ADGRG5: variants seen among roughly 807,000 people sequenced by gnomAD.
ADGRG5 encodes the protein G protein-coupled receptor 114.
Under a neutral mutation model 53.2 loss-of-function variants are expected in ADGRG5, and 37 were observed. That is an observed-to-expected ratio of 0.70 (90% CI 0.53 to 0.91). The LOEUF (loss-of-function observed/expected upper bound fraction) is 0.91, where lower values mean the gene tolerates loss of function less well. Among genes scored for constraint, ADGRG5 ranks in the 40% least tolerant of loss-of-function variants. The pLI, the probability that ADGRG5 is intolerant of heterozygous loss-of-function variation, is 0.00. For synonymous variants in ADGRG5, 277 were observed against 290.4 expected (o/e 0.95, Z 0.47); for missense variants, 614 against 675.8 (o/e 0.91, Z 1.01).
chr16:57,534,453 C>G, the ADGRG5 span, among the ~76,000 whole-genome samples: 1 of 152,196 alleles, frequency 6.6e-6, no homozygotes, highest in Non-Finnish European at 1.5e-5. Flanking sequence ...TCTGGAATAT[C>G]TCTCCTTCCT....
the ADGRG5 span, among the ~76,000 whole-genome samples, chr16:57,532,186 A>G: frequency 6.6e-6 from 1 of 152,100 alleles, no homozygotes; most frequent in Non-Finnish European, 1.5e-5. Context: ...CCTATACCCG[A>G]GAGAGTCATG....
chr16:57,570,576 C>A (rs1447192960), intron 10 of ADGRG5, 41 bp downstream of exon 10: 4 of 1,396,652 alleles, frequency 2.9e-6, no homozygotes, highest in Non-Finnish European at 4.1e-6. Context: ...CTGGCTCTGG[C>A]AGAAGGGCCA....
the ADGRG5 span, among the ~76,000 whole-genome samples, chr16:57,530,199 T>G: frequency 6.6e-6 from 1 of 152,098 alleles, no homozygotes; most frequent in African/African-American, 2.4e-5. Context: ...ACACCGTGAC[T>G]CACCGCAAAC....
Position 57,565,126 on chromosome 16 carries a change from C to T in ADGRG5, c.522C>T (p.Ile174=), listed in dbSNP as rs768800530. Residue 174 remains isoleucine (I), a synonymous_variant, in exon 6 of 12, where the codon ATC becomes ATT. Transcript: ENST00000349457. ...HVNNLRDPVN[I]SFWHNQSLEG... is the part of the protein sequence containing the mutation. ...ACAACCTCAGGGATCCTGTGAACAT[C>T]AGCTTCTGGCACAACCAAAGCCTGG... The T allele has an allele frequency of 6.8e-6, 11 of 1,613,110 alleles. No homozygotes were observed. The Admixed American group carries it at 1.5e-4, about 22-fold the overall frequency.
upstream of ADGRG5, among the ~76,000 whole-genome samples, chr16:57,539,745 C>T (rs2032462880): frequency 6.6e-6 from 1 of 151,320 alleles, no homozygotes; most frequent in Admixed American, 6.6e-5. Flanking sequence ...GCGAGCCAAC[C>T]CACCTGGTCT....
Position 57,562,466 on chromosome 16 carries a change from T to G in ADGRG5, c.140+7T>G. On this transcript the variant is annotated splice_region_variant and intron_variant, in intron 3 of 11. Transcript: ENST00000349457. The stretch of plus-strand genomic sequence containing the variant: ...GCTCAGTTTTTTCCTCTCGGTGAGT[T>G]GGATGTGCCTCCCACCCCAAGCCTG... 1 of 1,585,010 alleles carries G rather than the reference T, an allele frequency of 6.3e-7. No homozygotes were observed. The highest frequency in any genetic ancestry group is 8.6e-7 in the Non-Finnish European group (1 of 1,163,152).
At chr16:57,548,607 TC>T (rs2032674685) in intron 1 of ADGRG5, among the ~76,000 whole-genome samples, 1 of 151,646 alleles carries the variant, frequency 6.6e-6, no homozygotes, top group African/African-American at 2.4e-5. Flanking sequence ...AGAAACACAC[TC>T]CCCCTCCCTA....
intron 10 of ADGRG5, among the ~76,000 whole-genome samples, chr16:57,572,917 T>C (rs1282012415): frequency 1.3e-5 from 2 of 152,102 alleles, no homozygotes; most frequent in African/African-American, 4.8e-5. Flanking sequence ...CAGCAGGGGA[T>C]TGTGACAGTT....
In ADGRG5 at chr16:57,568,089, G is replaced by A. The variant is rs74019570; in HGVS notation, c.1055G>A (p.Arg352His). Residue 352 changes from arginine (R) to histidine (H), a missense_variant, in exon 9 of 12, where the codon CGC becomes CAC. Transcript: ENST00000349457. ...LLGRVYNIYI[R>H]RYVFKLGVLG... ...GGGCGTGTCTACAACATCTACATCC[G>A]CAGATATGTGTTCAAGCTTGGTGTG... 6.7e-3 allele frequency: 10,887 copies of A among 1,613,886 alleles called. 559 individuals are homozygous for A. The African/African-American group carries it at 0.12, about 17-fold the overall frequency.
chr16:57,562,679 A>G (rs1279841127), intron 3 of ADGRG5: 6 of 571,758 alleles, frequency 1.0e-5, no homozygotes, highest in Non-Finnish European at 1.9e-5. Context: ...TCATGACACT[A>G]AGTGCAGAAT....
the ADGRG5 span, among the ~76,000 whole-genome samples, chr16:57,531,346 C>A: frequency 6.6e-6 from 1 of 151,922 alleles, no homozygotes; most frequent in East Asian, 1.9e-4. Flanking sequence ...AATCTGCCTT[C>A]TTTCCTCCCC....
Position 57,563,137 on chromosome 16 carries a change from G to A in ADGRG5, c.187G>A (p.Gly63Ser). 1 of 1,614,180 alleles carries A rather than the reference G, an allele frequency of 6.2e-7. No homozygotes were observed. The highest frequency in any genetic ancestry group is 1.1e-5 in the South Asian group (1 of 91,084). Residue 63 changes from glycine to serine, a missense_variant, in exon 4 of 12, where the codon GGC (glycine) becomes AGC (serine). Coordinates refer to ENST00000349457, the MANE Select transcript of ADGRG5 (RefSeq NM_001304376.3). The stretch of plus-strand genomic sequence containing the variant: ...GATGCTACTGAACACCAGCTTCCCA[G>A]GCTACAACCTGACCTTGCAGACACC... ...EQMLLNTSFP[G>S]YNLTLQTPTI...
intron 9 of ADGRG5, 33 bp from the exon 10 acceptor site, chr16:57,570,385 C>A: frequency 6.8e-7 from 1 of 1,463,892 alleles, no homozygotes; most frequent in Non-Finnish European, 9.5e-7. Context: ...CAGCCCTCTC[C>A]CACATCTCCT....
upstream of ADGRG5, among the ~76,000 whole-genome samples, chr16:57,539,635 A>G (rs1353728320): frequency 1.4e-5 from 2 of 144,802 alleles, no homozygotes; most frequent in African/African-American, 5.2e-5. Flanking sequence ...TTTTTTTTTT[A>G]TAGAGGCAGG....
intron 1 of ADGRG5, among the ~76,000 whole-genome samples, chr16:57,545,498 G>A (rs1203315542): frequency 2.0e-5 from 3 of 152,254 alleles, no homozygotes; most frequent in Non-Finnish European, 4.4e-5. Context: ...ACCAGCCTGG[G>A]CAACATGCTG....
At chr16:57,552,419 G>A (rs1243914162) in intron 1 of ADGRG5, among the ~76,000 whole-genome samples, 1 of 152,210 alleles carries the variant, frequency 6.6e-6, no homozygotes, top group African/African-American at 2.4e-5. Flanking sequence ...TGGATAACTT[G>A]CTTCTCCATC....
intron 1 of ADGRG5, chr16:57,542,941 C>T (rs1181245450): frequency 6.6e-6 from 1 of 152,258 alleles, no homozygotes; most frequent in African/African-American, 2.4e-5. Context: ...AGTGGTTAGG[C>T]ATGGGTCTCG....
At chr16:57,535,021 C>T in the ADGRG5 span, among the ~76,000 whole-genome samples, 1 of 152,232 alleles carries the variant, frequency 6.6e-6, no homozygotes, top group Admixed American at 6.5e-5. Flanking sequence ...TTCCCCGGCT[C>T]TGAAACCCTG....
At chr16:57,539,798 A>G (rs1184106965), upstream of ADGRG5, among the ~76,000 whole-genome samples, 2 of 140,480 alleles carry the variant, frequency 1.4e-5, no homozygotes, top group South Asian at 2.2e-4. Flanking sequence ...CTTTTGTTAC[A>G]TATATGTATG....
Sources: gnomAD v4.1 joint callset for allele counts (sites outside exome capture counted in the v4.1 genomes callset) on GRCh38, gnomAD v4.1.1 for gene constraint, MANE v1.5 for transcripts, NCBI Gene and HGNC (gene_info 2026-07-23, HGNC 2026-07-21) for gene names.